The following KRT23 variants were observed in gnomAD, a reference collection of about 807,000 sequenced individuals.
The protein encoded by KRT23 is keratin, type I cytoskeletal 23.
KRT23 carries 38 observed loss-of-function variants against 47.6 expected under a neutral mutation model. The ratio of observed to expected loss-of-function variants is 0.80; its 90% CI spans 0.62 to 1.05. KRT23 has a LOEUF of 1.05. KRT23 is among the 50% of genes least tolerant of loss of function. The pLI is 0.00. For missense variants in KRT23, 503 were observed against 529.5 expected (o/e 0.95, Z 0.49); for synonymous variants, 191 against 199.0 (o/e 0.96, Z 0.34).
At chr17:40,930,157 A>C in intron 3 of KRT23, 61 bp from the exon 4 acceptor site, 1 of 1,460,078 alleles carries the variant, frequency 6.8e-7, no homozygotes, top group Non-Finnish European at 9.4e-7. Context: ...TTTTGAAAGG[A>C]TTCATTTTCA....
At chr17:40,930,953 C>T (rs1162513102) in intron 3 of KRT23, among the ~76,000 whole-genome samples, 5 of 148,176 alleles carry the variant, frequency 3.4e-5, no homozygotes, top group South Asian at 2.1e-4. Flanking sequence ...GTGCATTTGC[C>T]GTTGCTATGC....
intron 3 of KRT23, among the ~76,000 whole-genome samples, chr17:40,930,680 C>T (rs2315601): frequency 0.45 from 67,888 of 151,398 alleles, 15,979 homozygotes; most frequent in East Asian, 0.72. Flanking sequence ...AGGAGAATCG[C>T]TTGAACCTGG....
At position 40,936,589 on chromosome 17, in the gene KRT23, G is replaced by A; in HGVS notation, c.15C>T (p.His5=). ...AGGCCGAGGGGGTCTGGCTGAAGCT[G>A]TGTCCGGAGTTCATGGTCCCATCTG... MNSG[H]SFSQTPSASF... is the part of the protein sequence containing the mutation. Residue 5 remains histidine, a synonymous_variant, in exon 2 of 9, where the codon CAC becomes CAT. Transcript: ENST00000209718. 2 of 1,515,782 alleles carry A rather than the reference G, an allele frequency of 1.3e-6. No homozygotes were observed. Among genetic ancestry groups the A allele is most frequent in the Non-Finnish European group, 8.8e-7 (1 of 1,134,728 alleles). The allele number at this position is 1,515,782 out of a possible 1,614,324, so 93.9% of individuals were successfully genotyped here.
chr17:40,929,728 A>T, intron 4 of KRT23: 1 of 485,380 alleles, frequency 2.1e-6, no homozygotes, highest in Non-Finnish European at 3.6e-6. Flanking sequence ...ATCATTAATT[A>T]TGATTGCATT....
chr17:40,929,887 G>C, intron 4 of KRT23, 53 bp downstream of exon 4: 2 of 1,529,972 alleles, frequency 1.3e-6, no homozygotes, highest in Non-Finnish European at 1.8e-6. Context: ...ATCAGCCTGA[G>C]ATGTGCAGGC....
chr17:40,926,758 C>G (rs56859721), intron 6 of KRT23, among the ~76,000 whole-genome samples: 6,143 of 152,304 alleles, frequency 0.04, 259 homozygotes, highest in African/African-American at 0.1. Context: ...CCTTCAGCTA[C>G]AGCAAAGCTC....
At chr17:40,930,117 A>G (rs1188529336) in intron 3 of KRT23, 21 bp from the exon 4 acceptor site, 1 of 1,608,604 alleles carries the variant, frequency 6.2e-7, no homozygotes, top group East Asian at 2.2e-5. Context: ...AAGGAAGAGA[A>G]GAGTGCACTC....
rs771894404 is a variant in KRT23, at chr17:40,925,334, C to T, written c.1142+20G>A. On this transcript the variant is annotated intron_variant, in intron 7 of 8. Coordinates refer to ENST00000209718, the MANE Select transcript of KRT23 (RefSeq NM_015515.5). ...CTGGAGGTCCCTCGCATGCTCCTCT[C>T]GTGCCAGCCTTTGCCTTACCCTTCA... 26 of 1,606,086 alleles carry T rather than the reference C, an allele frequency of 1.6e-5. No individual in the cohort carries two copies. The highest frequency in any genetic ancestry group is 4.5e-5 in the East Asian group (2 of 44,852).
intron 7 of KRT23, among the ~76,000 whole-genome samples, 172 bp from the exon 8 acceptor site, chr17:40,924,675 A>G (rs573325912): frequency 6.6e-6 from 1 of 152,276 alleles, no homozygotes; most frequent in African/African-American, 2.4e-5. Flanking sequence ...ACCCGTCTGG[A>G]TACAGAAGGC....
In KRT23 at chr17:40,924,068, G is replaced by C. The variant is rs557349041; in HGVS notation, c.1174+404C>G. 3.3e-5 allele frequency among the ~76,000 whole-genome samples: 5 copies of C among 152,302 alleles called. No individual in the cohort carries two copies. In the South Asian group the frequency reaches 1.0e-3, roughly 32 times the overall value. ...TCCAAGAAGAGGATCATGGCACACAGTATTTCTAACCTTATCTGGCCATAG... is the reference window on the plus strand; with the variant it reads ...TCCAAGAAGAGGATCATGGCACACACTATTTCTAACCTTATCTGGCCATAG... On this transcript the variant is annotated intron_variant, in intron 8 of 8. Coordinates refer to ENST00000209718, the MANE Select transcript of KRT23 (RefSeq NM_015515.5).
rs765633632 is a variant in KRT23, at chr17:40,925,543, G to T, written c.953C>A (p.Thr318Asn). ...KSALENMLSE[T>N]QSRYSCKLQD... The stretch of plus-strand genomic sequence containing the variant: ...GAGCTTGCAGGAGTACCGAGACTGG[G>T]TCTCGGATAACATGTTTTCCAAAGC... The change falls in exon 7 of 9, where the codon ACC becomes AAC. Residue 318 changes from threonine (T) to asparagine (N), a missense_variant. Thr to Asn is a moderately conservative substitution (Grantham distance 65). Coordinates refer to ENST00000209718, the MANE Select transcript of KRT23 (RefSeq NM_015515.5). The T allele has an allele frequency of 1.2e-6, 2 of 1,613,974 alleles. No individual in the cohort carries two copies. Among genetic ancestry groups the T allele is most frequent in the Non-Finnish European group, 8.5e-7 (1 of 1,179,890 alleles).
At chr17:40,929,903 G>T (rs576208415) in intron 4 of KRT23, 37 bp downstream of exon 4, 170 of 1,600,266 alleles carry the variant, frequency 1.1e-4, no homozygotes, top group Non-Finnish European at 1.3e-4. Context: ...CAGGCTAAGA[G>T]CTGTGCTTAT....
At chr17:40,931,312 G>C (rs752379399) in intron 3 of KRT23, 61 bp downstream of exon 3, 7 of 1,345,812 alleles carry the variant, frequency 5.2e-6, no homozygotes, top group Non-Finnish European at 7.5e-6. Context: ...GCCCCGCCGA[G>C]TTTTCCTTTT....
Position 40,936,845 on chromosome 17 carries a change from C to G in KRT23, c.-242G>C. The stretch of plus-strand genomic sequence containing the variant: ...AGAGCCACATCAATATGACAGTTTG[C>G]TTCCTCCCTTCCCCTGGTAACCCGG... On this transcript the variant is annotated 5_prime_UTR_variant, in exon 2 of 9. Transcript: ENST00000209718. The G allele has an allele frequency of 5.0e-6, 2 of 397,336 alleles. No homozygotes were observed. Among genetic ancestry groups the G allele is most frequent in the Non-Finnish European group, 8.9e-6 (2 of 225,874 alleles). The allele number at this position is 397,336 out of a possible 1,614,324, so 24.6% of individuals were successfully genotyped here. A position where few individuals can be genotyped will look rare whatever the true frequency, so the allele number is the denominator to read the frequency against.
intron 4 of KRT23, among the ~76,000 whole-genome samples, chr17:40,929,047 A>AAAAAG (rs1567797319): frequency 1.4e-5 from 2 of 146,324 alleles, no homozygotes; most frequent in Admixed American, 7.1e-5. Flanking sequence ...AAAAAAAAAA[A>AAAAAG]AAAGAATATC....
intron 2 of KRT23, among the ~76,000 whole-genome samples, chr17:40,933,043 A>G (rs952389067): frequency 1.3e-5 from 2 of 152,256 alleles, no homozygotes; most frequent in Non-Finnish European, 2.9e-5. Flanking sequence ...TATTATCGGC[A>G]TATTATAGAC....
rs11871942 is a variant in KRT23 at position 40,923,492 on chromosome 17, G to C, written c.1175-409C>G. ...TAGAAAGCATGCCACATGAGGAATGGGTGAGAAGCCAAGGATGCTTACCAT... is the reference window on the plus strand; with the variant it reads ...TAGAAAGCATGCCACATGAGGAATGCGTGAGAAGCCAAGGATGCTTACCAT... On this transcript the variant is annotated intron_variant, in intron 8 of 8. Coordinates refer to ENST00000209718, the MANE Select transcript of KRT23 (RefSeq NM_015515.5). Among the ~76,000 whole-genome samples the C allele has an allele frequency of 3.0e-4, 46 of 152,126 alleles. No homozygotes were observed. The East Asian group carries it at 6.0e-3, about 20-fold the overall frequency.
intron 4 of KRT23, among the ~76,000 whole-genome samples, chr17:40,929,115 A>AT (rs1909455924): frequency 6.6e-6 from 1 of 152,072 alleles, no homozygotes; most frequent in Non-Finnish European, 1.5e-5. Context: ...GGTTGAAAAT[A>AT]TTTCAGAAAG....
intron 2 of KRT23, among the ~76,000 whole-genome samples, chr17:40,933,664 G>T (rs1909850448): frequency 6.6e-6 from 1 of 152,168 alleles, no homozygotes; most frequent in African/African-American, 2.4e-5. Flanking sequence ...ACACAAATGT[G>T]AATTCTGAAA....
Sources: allele counts gnomAD v4.1 joint callset (sites outside exome capture counted in the v4.1 genomes callset), GRCh38; gene constraint gnomAD v4.1.1; transcripts MANE v1.5; gene names NCBI Gene and HGNC (gene_info 2026-07-23, HGNC 2026-07-21).